MTMR7: variants seen among roughly 807,000 people sequenced by gnomAD.
MTMR7 encodes phosphatidylinositol-3-phosphate phosphatase MTMR7.
Under a neutral mutation model 81.2 loss-of-function variants are expected in MTMR7, and 76 were observed. The observed-to-expected ratio is 0.94, with a 90% CI of 0.78 to 1.13. MTMR7 has a LOEUF of 1.13. MTMR7 is among the 50% of genes most tolerant of loss of function. The pLI is 0.00. For missense variants in MTMR7, 1,044 were observed against 820.0 expected (o/e 1.27, Z -3.34); for synonymous variants, 372 against 289.8 (o/e 1.28, Z -2.88).
At chr8:17,333,255 A>G (rs953129483) in intron 6 of MTMR7, among the ~76,000 whole-genome samples, 1 of 152,230 alleles carries the variant, frequency 6.6e-6, no homozygotes, top group Non-Finnish European at 1.5e-5. Context: ...AAATATTAAA[A>G]TAATGCATTT....
intron 1 of MTMR7, among the ~76,000 whole-genome samples, chr8:17,381,189 C>T (rs1246058453): frequency 6.6e-6 from 1 of 152,118 alleles, no homozygotes; most frequent in African/African-American, 2.4e-5. Flanking sequence ...TGTTCTTCCT[C>T]TGTTGGGGTT....
rs765898742 is a variant in MTMR7, at chr8:17,309,279, G to T, written c.1149C>A (p.His383Gln). Residue 383 changes from histidine to glutamine, a missense_variant and splice_region_variant, in exon 10 of 14, where the codon CAC (histidine) becomes CAA (glutamine). Transcript: ENST00000180173. ...DWISFGHKFN[H>Q]RYGNLDGDPK... is the part of the protein sequence containing the mutation. ...AAACAGTCTTAAATATTACTTACCG[G>T]TGATTAAACTTATGACCAAAGGAAA... The T allele has an allele frequency of 1.3e-6, 2 of 1,529,340 alleles. No homozygotes were observed. The highest frequency in any genetic ancestry group is 1.8e-6 in the Non-Finnish European group (2 of 1,103,908). 94.7% of individuals were successfully genotyped at this position (1,529,340 alleles called of 1,614,324 possible).
Position 17,299,255 on chromosome 8 carries a change from A to C in MTMR7, c.*607T>G, listed in dbSNP as rs1208666882. 1 of 152,278 alleles carries C rather than the reference A, an allele frequency of 6.6e-6. No homozygotes were observed. The highest frequency in any genetic ancestry group is 1.5e-5 in the Non-Finnish European group (1 of 68,084). The allele number at this position is 152,278 out of a possible 1,614,324, so 9.4% of individuals were successfully genotyped here. A position where few individuals can be genotyped will look rare whatever the true frequency, so the allele number is the denominator to read the frequency against. On this transcript the variant is annotated 3_prime_UTR_variant, in exon 14 of 14. Coordinates refer to ENST00000180173, the MANE Select transcript of MTMR7 (RefSeq NM_004686.5). ...AAACAGACTATAGATCTCAGAGAAAAGCAACAAAATTATTCTCACAATTCA... is the reference window on the plus strand; with the variant it reads ...AAACAGACTATAGATCTCAGAGAAACGCAACAAAATTATTCTCACAATTCA...
intron 5 of MTMR7, among the ~76,000 whole-genome samples, chr8:17,342,292 C>T (rs1819429155): frequency 1.3e-5 from 2 of 152,264 alleles, no homozygotes; most frequent in Admixed American, 1.3e-4. Flanking sequence ...GGTTTTAACA[C>T]TTAAACACAA....
intron 1 of MTMR7, among the ~76,000 whole-genome samples, chr8:17,388,902 A>C (rs185038363): frequency 6.6e-6 from 1 of 152,342 alleles, no homozygotes; most frequent in African/African-American, 2.4e-5. Flanking sequence ...GACAGACTGC[A>C]TAATTGGCAC....
At chr8:17,323,040 C>T (rs558007732) in intron 7 of MTMR7, among the ~76,000 whole-genome samples, 1 of 149,550 alleles carries the variant, frequency 6.7e-6, no homozygotes, top group Non-Finnish European at 1.5e-5. Context: ...CTCCACCTCC[C>T]GGATTCAAGC....
intron 10 of MTMR7, among the ~76,000 whole-genome samples, chr8:17,306,476 G>A (rs11781369): frequency 0.09 from 13,610 of 151,818 alleles, 784 homozygotes; most frequent in Non-Finnish European, 0.13. Context: ...TTATTTCCAT[G>A]TGACGACAGA....
chr8:17,408,241 T>G (rs1356938652), intron 1 of MTMR7, among the ~76,000 whole-genome samples: 1 of 114,060 alleles, frequency 8.8e-6, no homozygotes, highest in Non-Finnish European at 2.1e-5. Flanking sequence ...ATACAAAAAT[T>G]AGCCGGGCGT....
chr8:17,368,371 C>T (rs1296239815), intron 3 of MTMR7, among the ~76,000 whole-genome samples: 1 of 152,050 alleles, frequency 6.6e-6, no homozygotes, highest in Non-Finnish European at 1.5e-5. Context: ...GCTGGGTGTC[C>T]ATAAATAAAC....
intron 1 of MTMR7, among the ~76,000 whole-genome samples, chr8:17,408,998 T>C (rs1453068392): frequency 1.3e-5 from 2 of 152,204 alleles, no homozygotes; most frequent in African/African-American, 2.4e-5. Flanking sequence ...ATTAAATATA[T>C]ATAATTGCAA....
At chr8:17,373,413 G>C (rs10888129) in intron 1 of MTMR7, among the ~76,000 whole-genome samples, 173 bp from the exon 2 acceptor site, 52,233 of 152,010 alleles carry the variant, frequency 0.34, 11,452 homozygotes, top group East Asian at 0.71. Flanking sequence ...GAGTAGGATT[G>C]TGTATATTAA....
chr8:17,336,067 G>C (rs17124409), intron 6 of MTMR7, among the ~76,000 whole-genome samples: 1 of 152,188 alleles, frequency 6.6e-6, no homozygotes, highest in Non-Finnish European at 1.5e-5. Flanking sequence ...CGGTTGACAT[G>C]AGTTGGTCAC....
intron 7 of MTMR7, among the ~76,000 whole-genome samples, chr8:17,319,917 T>C (rs1252081825): frequency 6.6e-6 from 1 of 152,140 alleles, no homozygotes; most frequent in Admixed American, 6.6e-5. Context: ...AATACAGGAC[T>C]CACTAGTCAC....
intron 7 of MTMR7, among the ~76,000 whole-genome samples, chr8:17,322,987 G>A (rs964432182): frequency 4.6e-5 from 6 of 130,090 alleles, no homozygotes; most frequent in South Asian, 4.7e-4. Flanking sequence ...TTGCTCTGTC[G>A]CCCAGGCTGG....
intron 1 of MTMR7, among the ~76,000 whole-genome samples, chr8:17,376,916 C>T (rs28607295): frequency 0.03 from 4,486 of 151,952 alleles, 218 homozygotes; most frequent in African/African-American, 0.1. Flanking sequence ...TAATAGATTT[C>T]CTAATCTTTA....
intron 2 of MTMR7, among the ~76,000 whole-genome samples, chr8:17,372,816 G>C (rs933730935): frequency 7.9e-5 from 12 of 152,128 alleles, no homozygotes; most frequent in African/African-American, 2.9e-4. Context: ...TGACAATGCT[G>C]AATCTGGCCT....
At chr8:17,388,100 A>C (rs182956639) in intron 1 of MTMR7, among the ~76,000 whole-genome samples, 1 of 152,342 alleles carries the variant, frequency 6.6e-6, no homozygotes, top group African/African-American at 2.4e-5. Context: ...AATTACAAAC[A>C]TTATGCCAGC....
intron 4 of MTMR7, among the ~76,000 whole-genome samples, chr8:17,355,099 T>C (rs923429846): frequency 6.6e-6 from 1 of 152,134 alleles, no homozygotes; most frequent in Admixed American, 6.6e-5. Flanking sequence ...TAGAAGGAAA[T>C]CTCATCAAAA....
intron 5 of MTMR7, among the ~76,000 whole-genome samples, chr8:17,346,497 C>A (rs1406919603): frequency 6.6e-6 from 1 of 152,088 alleles, no homozygotes. Flanking sequence ...TAAAATAGCA[C>A]TTGGGGGAGC....
Sources: gnomAD v4.1 joint callset for allele counts (sites outside exome capture counted in the v4.1 genomes callset) on GRCh38, gnomAD v4.1.1 for gene constraint, MANE v1.5 for transcripts, NCBI Gene and HGNC (gene_info 2026-07-23, HGNC 2026-07-21) for gene names.